CASP10: variants seen among roughly 807,000 people sequenced by gnomAD.
CASP10 encodes the protein caspase-10.
A neutral mutation model predicts 48.5 loss-of-function variants in CASP10; 41 were observed. That is an observed-to-expected ratio of 0.85 (90% confidence interval 0.66 to 1.10). The LOEUF is 1.10. CASP10 is among the 50% of genes least tolerant of loss of function. The pLI, the probability that CASP10 is intolerant of heterozygous loss-of-function variation, is 0.00. For synonymous variants in CASP10, 232 were observed against 238.4 expected, an observed-to-expected ratio of 0.97 and a Z score of 0.25; for missense variants, 614 against 614.5, an observed-to-expected ratio of 1.00 and a Z score of 0.01.
chr2:201,220,789 A>G lies in CASP10; in HGVS notation c.*3048A>G. 1.0e-6 allele frequency: 1 copy of G among 985,406 alleles called. No individual in the cohort carries two copies. Among genetic ancestry groups the G allele is most frequent in the Non-Finnish European group, 1.2e-6 (1 of 829,940 alleles). 61.0% of individuals were successfully genotyped at this position (985,406 alleles called of 1,614,324 possible). On this transcript the variant is annotated 3_prime_UTR_variant, in exon 10 of 10. Coordinates refer to ENST00000286186, the MANE Select transcript of CASP10 (RefSeq NM_032977.4). ...AACCGTGTTCATAACAGTCAGGGCC[A>G]AAAGCTAGTGGTCACAGTCCTTGTC...
At chr2:201,199,116 T>G (rs1197145901) in intron 5 of CASP10, among the ~76,000 whole-genome samples, 1 of 152,212 alleles carries the variant, frequency 6.6e-6, no homozygotes, top group African/African-American at 2.4e-5. Flanking sequence ...TTCTGAACTT[T>G]TTGAGAGTAA....
chr2:201,199,972 C>T (rs926095244), intron 5 of CASP10, among the ~76,000 whole-genome samples: 3 of 152,126 alleles, frequency 2.0e-5, no homozygotes, highest in Admixed American at 6.6e-5. Context: ...ACTCCTCCCA[C>T]CTTTCATTAA....
chr2:201,225,141 C>T (rs546010568), downstream of CASP10, among the ~76,000 whole-genome samples: 53 of 152,292 alleles, frequency 3.5e-4, no homozygotes, highest in African/African-American at 1.1e-3. Flanking sequence ...ATCTTCAGTG[C>T]CACCAGGGCT....
chr2:201,198,255 A>T, intron 5 of CASP10, among the ~76,000 whole-genome samples: 1 of 140,196 alleles, frequency 7.1e-6, no homozygotes, highest in African/African-American at 2.7e-5. Context: ...ACGGAGTCTC[A>T]CTCTGTCGCC....
chr2:201,218,516 G>A lies in CASP10; in HGVS notation c.*775G>A. 1 of 803,210 alleles carries A rather than the reference G, an allele frequency of 1.2e-6. No homozygotes were observed. Among genetic ancestry groups the A allele is most frequent in the Non-Finnish European group, 1.5e-6 (1 of 664,536 alleles). The allele number at this position is 803,210 out of a possible 1,614,324, so 49.8% of individuals were successfully genotyped here. ...GGGGTTTCACTATGTTGCCTAAGCT[G>A]GTCTCAAACTCCTGGGCTCAAGCGA... On this transcript the variant is annotated 3_prime_UTR_variant, in exon 10 of 10. Transcript: ENST00000286186.
Position 201,208,139 on chromosome 2 carries a change from G to A in CASP10, c.878G>A (p.Ser293Asn). The stretch of plus-strand genomic sequence containing the variant: ...CTCTGTGTCATTGTCAACAACCACA[G>A]CTTTACCTCCCTGAAGGACAGACAA... Reference protein sequence around the residue: ...RGLCVIVNNHSFTSLKDRQGT... With the variant: ...RGLCVIVNNHNFTSLKDRQGT... Residue 293 changes from serine to asparagine, a missense_variant, in exon 8 of 10, where the codon AGC becomes AAC. Transcript: ENST00000286186. 1.2e-6 allele frequency: 2 copies of A among 1,614,054 alleles called. No individual in the cohort carries two copies. Among genetic ancestry groups the A allele is most frequent in the Non-Finnish European group, 1.7e-6 (2 of 1,179,970 alleles).
At chr2:201,201,583 C>T (rs1051353141) in intron 5 of CASP10, among the ~76,000 whole-genome samples, 1 of 96,364 alleles carries the variant, frequency 1.0e-5, no homozygotes, top group Non-Finnish European at 2.0e-5. Flanking sequence ...GTTCCGCTGA[C>T]GTGGGATGAT....
At chr2:201,193,711 A>G (rs982975799) in intron 4 of CASP10, among the ~76,000 whole-genome samples, 2 of 152,166 alleles carry the variant, frequency 1.3e-5, no homozygotes, top group African/African-American at 2.4e-5. Context: ...TTTTAGACAA[A>G]CGTCTTTTTC....
intron 5 of CASP10, among the ~76,000 whole-genome samples, chr2:201,199,155 A>G (rs1344940850): frequency 2.0e-5 from 3 of 152,122 alleles, no homozygotes; most frequent in Admixed American, 6.6e-5. Context: ...TTTTACTCCT[A>G]AATATTTTCG....
intron 7 of CASP10, among the ~76,000 whole-genome samples, chr2:201,207,319 G>C (rs1224560030): frequency 6.6e-6 from 1 of 152,092 alleles, no homozygotes; most frequent in Non-Finnish European, 1.5e-5. Flanking sequence ...GTTTAGACTA[G>C]AGTATAAAAA....
Position 201,186,023 on chromosome 2 carries a change from C to T in CASP10, c.246C>T (p.Leu82=), listed in dbSNP as rs1395989466. Residue 82 remains leucine, a synonymous_variant, in exon 2 of 10, where the codon CTC becomes CTT. Transcript: ENST00000286186. ...SEEDPFFLAE[L]LYIIRQKKLL... is the part of the protein sequence containing the mutation. Reference sequence around the variant, plus strand: ...AAGACCCTTTCTTCCTGGCAGAACTCCTCTATATCATACGGCAGAAGAAGC... The same window carrying T: ...AAGACCCTTTCTTCCTGGCAGAACTTCTCTATATCATACGGCAGAAGAAGC... 6.2e-7 allele frequency: 1 copy of T among 1,613,356 alleles called. No homozygotes were observed. The highest frequency in any genetic ancestry group is 1.7e-5 in the Admixed American group (1 of 60,002).
rs1576149005 is a variant in CASP10, at chr2:201,218,448, G to A, written c.*707G>A. 1.5e-6 allele frequency: 1 copy of A among 654,756 alleles called. No individual in the cohort carries two copies. Among genetic ancestry groups the A allele is most frequent in the East Asian group, 1.4e-4 (1 of 7,296 alleles). The allele number at this position is 654,756 out of a possible 1,614,324, so 40.6% of individuals were successfully genotyped here. On this transcript the variant is annotated 3_prime_UTR_variant, in exon 10 of 10. Coordinates refer to ENST00000286186, the MANE Select transcript of CASP10 (RefSeq NM_032977.4). ...CTCCCAAGTAGCTGAGACTACAGGT[G>A]TGTGTCCATGCACAGCTAACTTTTT...
At chr2:201,183,401 T>C (rs571907257) in intron 1 of CASP10, 93 bp downstream of exon 1, 1 of 152,284 alleles carries the variant, frequency 6.6e-6, no homozygotes, top group Non-Finnish European at 1.5e-5. Context: ...TTGCAAAAAC[T>C]TGTCAGCAAT....
At position 201,218,355 on chromosome 2, in the gene CASP10, T is replaced by C; in HGVS notation, c.*614T>C. On this transcript the variant is annotated 3_prime_UTR_variant, in exon 10 of 10. Transcript: ENST00000286186. ...AGTCACTCCGTCACCTGGGCTGGAG[T>C]GCAGTGGTGGGATCACTGTTCACTG... is the stretch of plus-strand genomic sequence containing the variant. The C allele has an allele frequency of 1.0e-6, 1 of 985,762 alleles. No homozygotes were observed. Among genetic ancestry groups the C allele is most frequent in the Non-Finnish European group, 1.2e-6 (1 of 828,758 alleles). 61.1% of individuals were successfully genotyped at this position (985,762 alleles called of 1,614,324 possible). A position where few individuals can be genotyped will look rare whatever the true frequency, so the allele number is the denominator to read the frequency against.
intron 1 of CASP10, among the ~76,000 whole-genome samples, chr2:201,183,982 G>A (rs536630354): frequency 9.1e-4 from 137 of 150,992 alleles, no homozygotes; most frequent in Non-Finnish European, 1.6e-3. Context: ...TGCAACTTCC[G>A]CCTCCCAGGT....
At chr2:201,188,832 A>G (rs543675227) in intron 3 of CASP10, among the ~76,000 whole-genome samples, 16 of 150,720 alleles carry the variant, frequency 1.1e-4, no homozygotes, top group Admixed American at 5.3e-4. Flanking sequence ...ACCATTTTAT[A>G]TATTGAATTT....
At chr2:201,196,042 G>T (rs951279914) in intron 5 of CASP10, 94 bp downstream of exon 5, 2 of 818,658 alleles carry the variant, frequency 2.4e-6, no homozygotes, top group Non-Finnish European at 4.2e-6. Context: ...AGAGAGAGAG[G>T]CCCCGGTTTG....
At chr2:201,184,785 T>A (rs892019893) in intron 1 of CASP10, among the ~76,000 whole-genome samples, 6 of 152,216 alleles carry the variant, frequency 3.9e-5, no homozygotes, top group African/African-American at 1.4e-4. Flanking sequence ...GAGAATAGCA[T>A]AGTTTATAAA....
In CASP10 at chr2:201,208,193, T is replaced by A. The variant is rs1158098569; in HGVS notation, c.922+10T>A. On this transcript the variant is annotated intron_variant, in intron 8 of 9. Transcript: ENST00000286186. ...ACCCATAAAGATGCTGGTAAGAAAGTCTGGAACAGTTTATCAAATGCAAAT... is the reference window on the plus strand; with the variant it reads ...ACCCATAAAGATGCTGGTAAGAAAGACTGGAACAGTTTATCAAATGCAAAT... The A allele has an allele frequency of 6.2e-7, 1 of 1,601,872 alleles. No individual in the cohort carries two copies. The highest frequency in any genetic ancestry group is 8.5e-7 in the Non-Finnish European group (1 of 1,176,288).
Sources: allele counts gnomAD v4.1 joint callset (sites outside exome capture counted in the v4.1 genomes callset), GRCh38; gene constraint gnomAD v4.1.1; transcripts MANE v1.5; gene names NCBI Gene and HGNC (gene_info 2026-07-23, HGNC 2026-07-21).